RPS6KC1: variants seen among roughly 807,000 people sequenced by gnomAD.
RPS6KC1 encodes ribosomal protein S6 kinase C1.
A neutral mutation model predicts 103.8 loss-of-function variants in RPS6KC1; 54 were observed. The observed-to-expected ratio is 0.52, with a 90% CI of 0.42 to 0.65. The LOEUF (loss-of-function observed/expected upper bound fraction) is 0.65. Ranked by LOEUF, RPS6KC1 falls within the 30% of genes least tolerant of loss-of-function variation. The pLI, the probability that RPS6KC1 is intolerant of heterozygous loss-of-function variation, is 0.00. For synonymous variants in RPS6KC1, 439 were observed against 438.7 expected (o/e 1.00, Z -0.01); for missense variants, 1,151 against 1,253.8 (o/e 0.92, Z 1.24).
chr1:213,206,281 A>G (rs987321754), intron 8 of RPS6KC1, among the ~76,000 whole-genome samples: 13 of 152,226 alleles, frequency 8.5e-5, no homozygotes, highest in Non-Finnish European at 1.5e-4. Flanking sequence ...AAGGGCTTTA[A>G]GGTTATCTGA....
Position 213,104,476 on chromosome 1 carries a change from C to G in RPS6KC1, c.285C>G (p.Ile95Met), listed in dbSNP as rs56056039. 2 of 1,610,350 alleles carry G rather than the reference C, an allele frequency of 1.2e-6. No homozygotes were observed. Among genetic ancestry groups the G allele is most frequent in the Non-Finnish European group, 1.7e-6 (2 of 1,177,280 alleles). Residue 95 changes from isoleucine (I) to methionine (M), a missense_variant, in exon 4 of 15, where the codon ATC becomes ATG. Coordinates refer to ENST00000366960, the MANE Select transcript of RPS6KC1 (RefSeq NM_012424.6). ...TAGGGCGATTTGATGAAACTGTTATCGAAGAGAGAAGACAATGTGCTGAAG... is the reference window on the plus strand; with the variant it reads ...TAGGGCGATTTGATGAAACTGTTATGGAAGAGAGAAGACAATGTGCTGAAG... ...IVFGRFDETV[I>M]EERRQCAEDL...
chr1:213,595,712 G>A, the RPS6KC1 span, among the ~76,000 whole-genome samples: 2 of 152,194 alleles, frequency 1.3e-5, no homozygotes, highest in South Asian at 2.1e-4. Flanking sequence ...CTTTACCAGG[G>A]GAATCATAGT....
At chr1:213,092,066 G>A (rs960201307) in intron 3 of RPS6KC1, among the ~76,000 whole-genome samples, 3 of 151,836 alleles carry the variant, frequency 2.0e-5, no homozygotes, top group Non-Finnish European at 4.4e-5. Flanking sequence ...TAAGAGGTCA[G>A]CAGTTTTATT....
intron 2 of RPS6KC1, among the ~76,000 whole-genome samples, chr1:213,071,897 A>G (rs575635409): frequency 7.9e-5 from 12 of 151,436 alleles, no homozygotes; most frequent in African/African-American, 2.9e-4. Context: ...TAATGGTACC[A>G]GCCTGTTATG....
the RPS6KC1 span, among the ~76,000 whole-genome samples, chr1:213,645,235 C>A: frequency 6.6e-6 from 1 of 151,908 alleles, no homozygotes; most frequent in African/African-American, 2.4e-5. Context: ...CCAAAAAGAA[C>A]GTTTTTGGGT....
At chr1:213,334,515 C>T in the RPS6KC1 span, among the ~76,000 whole-genome samples, 1 of 152,190 alleles carries the variant, frequency 6.6e-6, no homozygotes, top group Non-Finnish European at 1.5e-5. Context: ...CACCCGCAGT[C>T]ATTCCTGTAC....
At chr1:213,057,291 C>CTA (rs2077412224) in intron 1 of RPS6KC1, among the ~76,000 whole-genome samples, 1 of 152,078 alleles carries the variant, frequency 6.6e-6, no homozygotes, top group African/African-American at 2.4e-5. Flanking sequence ...AGAGCTTGGA[C>CTA]TATAGTAGGG....
At chr1:213,326,496 T>C in the RPS6KC1 span, among the ~76,000 whole-genome samples, 1 of 152,228 alleles carries the variant, frequency 6.6e-6, no homozygotes, top group Non-Finnish European at 1.5e-5. Flanking sequence ...TCATTGCTAA[T>C]CATCTGAAGG....
the RPS6KC1 span, among the ~76,000 whole-genome samples, chr1:213,315,143 A>G: frequency 5.9e-5 from 9 of 152,354 alleles, no homozygotes; most frequent in South Asian, 1.9e-3. Context: ...TGCTTACATT[A>G]AAAGGAACAT....
At chr1:213,537,242 C>T in the RPS6KC1 span, among the ~76,000 whole-genome samples, 3 of 152,172 alleles carry the variant, frequency 2.0e-5, no homozygotes, top group African/African-American at 4.8e-5. Flanking sequence ...GGGTTGGCCA[C>T]TCCTGAATTC....
chr1:213,184,812 G>A (rs749072186), intron 8 of RPS6KC1, among the ~76,000 whole-genome samples: 6 of 152,058 alleles, frequency 3.9e-5, no homozygotes, highest in Non-Finnish European at 5.9e-5. Context: ...CGTTCCTCTT[G>A]TTATTGATTT....
chr1:213,368,194 A>C, the RPS6KC1 span, among the ~76,000 whole-genome samples: 1 of 152,246 alleles, frequency 6.6e-6, no homozygotes, highest in African/African-American at 2.4e-5. Flanking sequence ...CTCAGATAAA[A>C]GACCACGTAT....
intron 4 of RPS6KC1, among the ~76,000 whole-genome samples, chr1:213,106,006 T>C (rs899334019): frequency 3.9e-5 from 6 of 152,354 alleles, no homozygotes; most frequent in African/African-American, 1.2e-4. Context: ...TAGCTGTTCA[T>C]TGTATTTCTT....
the RPS6KC1 span, among the ~76,000 whole-genome samples, chr1:213,765,986 G>C: frequency 2.0e-5 from 3 of 152,098 alleles, no homozygotes; most frequent in African/African-American, 4.8e-5. Context: ...GCTTTGTTTT[G>C]TTTTTAGGAA....
intron 3 of RPS6KC1, among the ~76,000 whole-genome samples, chr1:213,088,548 G>A (rs575359945): frequency 2.6e-4 from 40 of 152,122 alleles, no homozygotes; most frequent in African/African-American, 9.4e-4. Flanking sequence ...ATAGAGATGG[G>A]GTTTCGCCAT....
the RPS6KC1 span, among the ~76,000 whole-genome samples, chr1:213,552,951 C>T: frequency 6.6e-6 from 1 of 152,094 alleles, no homozygotes; most frequent in African/African-American, 2.4e-5. Flanking sequence ...AGTATGGTAC[C>T]CCATAATGGT....
the RPS6KC1 span, among the ~76,000 whole-genome samples, chr1:213,382,474 T>G: frequency 6.6e-6 from 1 of 152,184 alleles, no homozygotes; most frequent in Non-Finnish European, 1.5e-5. Flanking sequence ...ATACAGCTCA[T>G]GAAAGTAATA....
chr1:213,634,875 G>T, the RPS6KC1 span, among the ~76,000 whole-genome samples: 2 of 151,520 alleles, frequency 1.3e-5, no homozygotes, highest in Admixed American at 6.6e-5. Flanking sequence ...TAGGCCCCTT[G>T]CAAGACTAAT....
At chr1:213,602,255 T>C in the RPS6KC1 span, among the ~76,000 whole-genome samples, 15 of 132,880 alleles carry the variant, frequency 1.1e-4, no homozygotes, top group African/African-American at 4.4e-4. Flanking sequence ...CTCTCTCTCT[T>C]TTTTTTTCTT....
Sources: allele counts gnomAD v4.1 joint callset (sites outside exome capture counted in the v4.1 genomes callset), GRCh38; gene constraint gnomAD v4.1.1; transcripts MANE v1.5; gene names NCBI Gene and HGNC (gene_info 2026-07-23, HGNC 2026-07-21).